DENND1C: variants seen among roughly 807,000 people sequenced by gnomAD.
DENND1C encodes the protein DENN domain containing 1C, also known as DENN domain-containing protein 1C.
In DENND1C, 64 loss-of-function variants were observed where a neutral mutation model predicts 87.9. The observed-to-expected ratio is 0.73, with a 90% confidence interval of 0.60 to 0.90. DENND1C has a LOEUF of 0.90. DENND1C is among the 40% of genes least tolerant of loss of function. The pLI is 0.00. For missense variants in DENND1C, 980 were observed against 1,037.0 expected (o/e 0.95, Z 0.76); for synonymous variants, 384 against 424.4 (o/e 0.90, Z 1.17).
intron 18 of DENND1C, 153 bp from the exon 19 acceptor site, chr19:6,469,793 G>A: frequency 1.4e-6 from 1 of 726,542 alleles, no homozygotes; most frequent in Non-Finnish European, 2.3e-6. Context: ...AGAAGTCAAT[G>A]CAAACTTTCA....
Position 6,468,646 on chromosome 19 carries a change from C to A in DENND1C, c.1516-1G>T. The A allele has an allele frequency of 6.8e-7, 1 of 1,480,868 alleles. No individual in the cohort carries two copies. 91.7% of individuals were successfully genotyped at this position (1,480,868 alleles called of 1,614,324 possible). The stretch of plus-strand genomic sequence containing the variant: ...TCCTGCTGGGGCGAAGGGGCCGGTT[C>A]TGCAAAGGGTGGGGGCGATAGGACC... On this transcript the variant is annotated splice_acceptor_variant, in intron 20 of 22. Transcript: ENST00000381480. LOFTEE classifies it high-confidence loss of function.
rs2092810127 is a variant in DENND1C, at chr19:6,468,630, G to C, written c.1531C>G (p.Pro511Ala). The stretch of plus-strand genomic sequence containing the variant: ...TCTTCCAGCTGGCGTCTCCTGCTGG[G>C]GCGAAGGGGCCGGTTCTGCAAAGGG... ...QHFGKNRPLR[P>A]SRRRQLEEGT... Residue 511 changes from proline to alanine, a missense_variant, in exon 21 of 23, where the codon CCC becomes GCC. Physicochemically the swap from Pro to Ala is conservative, Grantham distance 27. Transcript: ENST00000381480. 1.1e-5 allele frequency: 16 copies of C among 1,493,804 alleles called. No individual in the cohort carries two copies. Among genetic ancestry groups the C allele is most frequent in the African/African-American group, 1.4e-5 (1 of 71,150 alleles). 92.5% of individuals were successfully genotyped at this position (1,493,804 alleles called of 1,614,324 possible). A position where few individuals can be genotyped will look rare whatever the true frequency, so the allele number is the denominator to read the frequency against.
Position 6,477,301 on chromosome 19 carries a change from C to T in DENND1C, c.448-18G>A, listed in dbSNP as rs768703313. The stretch of plus-strand genomic sequence containing the variant: ...CCGCTGCCCTGGGGAAGAGGCACGA[C>T]TCTGTGGTCATGATGGCTGGGACGC... On this transcript the variant is annotated intron_variant, in intron 7 of 22. Transcript: ENST00000381480. 1 of 1,602,440 alleles carries T rather than the reference C, an allele frequency of 6.2e-7. No individual in the cohort carries two copies. Among genetic ancestry groups the T allele is most frequent in the Non-Finnish European group, 8.5e-7 (1 of 1,171,678 alleles).
intron 21 of DENND1C, 40 bp from the exon 22 acceptor site, chr19:6,468,481 C>T (rs1468340725): frequency 6.3e-7 from 1 of 1,587,664 alleles, no homozygotes; most frequent in Non-Finnish European, 8.6e-7. Context: ...TGCCCAAGAC[C>T]CCCAGCCCTG....
intron 1 of DENND1C, chr19:6,480,504 GTCTA>G (rs1382016185): frequency 2.0e-6 from 2 of 981,762 alleles, no homozygotes; most frequent in Non-Finnish European, 2.4e-6. Context: ...GTCTGTCTCT[GTCTA>G]TCCATCCATC....
chr19:6,468,267 ACAG>A lies in DENND1C; in HGVS notation c.1755_1757del (p.Cys586del). 6.2e-7 allele frequency: 1 copy of A among 1,613,614 alleles called. No individual in the cohort carries two copies. Among genetic ancestry groups the A allele is most frequent in the Non-Finnish European group, 8.5e-7 (1 of 1,179,712 alleles). ...AGCAGCTGTCCAGGTCTCCTCTGTG[ACAG>A]CAGTCTAAACTCTGGCTCGGTCTCA... On this transcript the variant is annotated inframe_deletion, in exon 22 of 23. Transcript: ENST00000381480.
chr19:6,475,058 AAACAAAC>A (rs937667450), intron 14 of DENND1C, among the ~76,000 whole-genome samples: 1 of 150,322 alleles, frequency 6.7e-6, no homozygotes. Context: ...ACAAACAAAC[AAACAAAC>A]AACAACAACA....
Position 6,467,886 on chromosome 19 carries a change from AGAG to A in DENND1C, c.2021_2023del (p.Pro674del). 2 of 1,610,970 alleles carry A rather than the reference AGAG, an allele frequency of 1.2e-6. No homozygotes were observed. Among genetic ancestry groups the A allele is most frequent in the Non-Finnish European group, 1.7e-6 (2 of 1,178,572 alleles). ...GAGATGAAGAATTAGGGGCTCTGTG[AGAG>A]GAGAGGGTTTGGGGTCCCCCCAGAT... On this transcript the variant is annotated inframe_deletion, in exon 23 of 23. Transcript: ENST00000381480.
chr19:6,477,981 G>A (rs2092873030), intron 6 of DENND1C, among the ~76,000 whole-genome samples: 1 of 151,562 alleles, frequency 6.6e-6, no homozygotes, highest in East Asian at 2.0e-4. Context: ...AGACTGAGGC[G>A]GAAGAATCGC....
rs189046390 is a variant in DENND1C, at chr19:6,478,197, C to T, written c.366+586G>A. Among the ~76,000 whole-genome samples the T allele has an allele frequency of 1.9e-3, 283 of 152,292 alleles. 2 individuals are homozygous for T. Among genetic ancestry groups the T allele is most frequent in the African/African-American group, 6.6e-3 (276 of 41,590 alleles). On this transcript the variant is annotated intron_variant, in intron 6 of 22. Transcript: ENST00000381480. Reference sequence around the variant, plus strand: ...TCAGTTGATCCTCCCACCTTGCTCTCCTGAGTAGCTGGGACCACAGGTGTG... The same window carrying T: ...TCAGTTGATCCTCCCACCTTGCTCTTCTGAGTAGCTGGGACCACAGGTGTG...
chr19:6,478,502 C>T (rs959117774), intron 6 of DENND1C, among the ~76,000 whole-genome samples: 2 of 151,636 alleles, frequency 1.3e-5, no homozygotes, highest in Non-Finnish European at 1.5e-5. Flanking sequence ...GTGATCCGCT[C>T]GCCTTGTCCT....
rs368051622 is a variant in DENND1C at position 6,467,966 on chromosome 19, G to T, written c.1944C>A (p.Asp648Glu). 36 of 1,613,780 alleles carry T rather than the reference G, an allele frequency of 2.2e-5. No homozygotes were observed. The highest frequency in any genetic ancestry group is 2.9e-5 in the Non-Finnish European group (34 of 1,179,860). The change falls in exon 23 of 23, where the codon GAC becomes GAA. Residue 648 changes from aspartate to glutamate, a missense_variant. Physicochemically the swap from Asp to Glu is conservative, Grantham distance 45 (BLOSUM62 2). Transcript: ENST00000381480. Reference sequence around the variant, plus strand: ...ACTGGGATGGAGACGTGACTTCTTGGTCGGACTCTGAGGGTATCAGCTGGG... The same window carrying T: ...ACTGGGATGGAGACGTGACTTCTTGTTCGGACTCTGAGGGTATCAGCTGGG... ...SRSQLIPSES[D>E]QEVTSPSQSS...
chr19:6,481,697 G>A lies in DENND1C; in HGVS notation c.-2C>T. ...CTCTTACTCAGCTCTGGATTCCATG[G>A]TCCCTGCAGGGCCAGCCCAGCGGGG... On this transcript the variant is annotated 5_prime_UTR_variant, in exon 1 of 23. Coordinates refer to ENST00000381480, the MANE Select transcript of DENND1C (RefSeq NM_024898.4). 3.1e-6 allele frequency: 5 copies of A among 1,598,744 alleles called. No individual in the cohort carries two copies. Among genetic ancestry groups the A allele is most frequent in the Non-Finnish European group, 3.4e-6 (4 of 1,172,706 alleles).
At chr19:6,476,443 G>A (rs1336390849) in intron 10 of DENND1C, 1 of 180,418 alleles carries the variant, frequency 5.5e-6, no homozygotes, top group Non-Finnish European at 1.2e-5. Flanking sequence ...AGTTTTTTGC[G>A]CCCCTTGTTA....
In DENND1C at chr19:6,467,846, C is replaced by T. The variant is rs773177169; in HGVS notation, c.2064G>A (p.Lys688=). 1 of 1,586,444 alleles carries T rather than the reference C, an allele frequency of 6.3e-7. No individual in the cohort carries two copies. ...PLILHLTPSH[K]AAEDSTAQEN... ...CCTGGGCTGTAGAATCTTCAGCTGC[C>T]TTGTGGGAAGGGGTGAGATGAAGAA... The change falls in exon 23 of 23, where the codon AAG becomes AAA. Residue 688 remains lysine, a synonymous_variant. Coordinates refer to ENST00000381480, the MANE Select transcript of DENND1C (RefSeq NM_024898.4).
chr19:6,478,801 G>A lies in DENND1C; in HGVS notation c.348C>T (p.Asp116=). The part of the protein sequence containing the change: ...VFYKLLNTVG[D]LLAQDQVTEA... ...GTCTCACTTGGTCCTGGGCTAGGAG[G>A]TCTCCCACTGTGTTCAATAGCTTGT... The change falls in exon 6 of 23, where the codon GAC becomes GAT. Residue 116 remains aspartate (D), a synonymous_variant. Transcript: ENST00000381480. The A allele has an allele frequency of 1.2e-6, 2 of 1,613,108 alleles. No homozygotes were observed. Among genetic ancestry groups the A allele is most frequent in the Non-Finnish European group, 1.7e-6 (2 of 1,179,540 alleles).
rs1341788520 is a variant in DENND1C at position 6,468,571 on chromosome 19, GC to G, written c.1583+6del. ...CTTTCAACACTGCTGTTCCCTTTTT[GC>G]CTTACCCCGCCCCTGGGGGCTCGGA... is the stretch of plus-strand genomic sequence containing the variant. On this transcript the variant is annotated splice_donor_region_variant and intron_variant, in intron 21 of 22. Transcript: ENST00000381480. 3 of 1,540,478 alleles carry G rather than the reference GC, an allele frequency of 1.9e-6. No individual in the cohort carries two copies. In the African/African-American group the frequency reaches 4.1e-5, roughly 21 times the overall value.
rs1372491795 is a variant in DENND1C at position 6,470,482 on chromosome 19, T to G, written c.1291-116A>C. 7.0e-6 allele frequency: 7 copies of G among 1,002,478 alleles called. No individual in the cohort carries two copies. The Admixed American group carries it at 1.0e-4, about 15-fold the overall frequency. 62.1% of individuals were successfully genotyped at this position (1,002,478 alleles called of 1,614,324 possible). On this transcript the variant is annotated intron_variant, in intron 17 of 22. Transcript: ENST00000381480. ...CTCTCTGAGTCTCCATTTTTTCACC[T>G]CTATAAATGAACATGATCGTAGTCA...
chr19:6,478,932 C>G lies in DENND1C; in HGVS notation c.296+5G>C. The G allele has an allele frequency of 6.2e-7, 1 of 1,613,920 alleles. No homozygotes were observed. The highest frequency in any genetic ancestry group is 1.3e-5 in the African/African-American group (1 of 75,024). On this transcript the variant is annotated splice_donor_5th_base_variant and intron_variant, in intron 5 of 22. Coordinates refer to ENST00000381480, the MANE Select transcript of DENND1C (RefSeq NM_024898.4). ...ATCCCCCCCTCCAACCCCCATATCC[C>G]GCACCTGAGGATGCAGAGACAGCTC...
Sources: allele counts gnomAD v4.1 joint callset (sites outside exome capture counted in the v4.1 genomes callset), GRCh38; gene constraint gnomAD v4.1.1; transcripts MANE v1.5; gene names NCBI Gene and HGNC (gene_info 2026-07-23, HGNC 2026-07-21).